The following CAST variants were observed in gnomAD, a reference collection of about 807,000 sequenced individuals.
The protein encoded by CAST is MIR583 host.
A neutral mutation model predicts 119.6 loss-of-function variants in CAST; 76 were observed. The observed-to-expected ratio is 0.64, with a 90% CI of 0.53 to 0.77. CAST has a LOEUF of 0.77. Among genes scored for constraint, CAST ranks in the 30% least tolerant of loss-of-function variants. The pLI is 0.00. For missense variants in CAST, 953 were observed against 946.5 expected (o/e 1.01, Z -0.09); for synonymous variants, 319 against 331.6 (o/e 0.96, Z 0.41).
chr5:96,274,166 A>G, the CAST span, among the ~76,000 whole-genome samples: 1 of 150,482 alleles, frequency 6.6e-6, no homozygotes, highest in Non-Finnish European at 1.5e-5. Flanking sequence ...CAGTGGCGTG[A>G]TCTTGGCTCA....
chr5:96,228,041 A>G, the CAST span, among the ~76,000 whole-genome samples: 8 of 150,826 alleles, frequency 5.3e-5, no homozygotes, highest in Non-Finnish European at 1.0e-4. Context: ...GCACATGTGT[A>G]TGTGTGTGTC....
chr5:96,020,785 A>G, the CAST span, among the ~76,000 whole-genome samples: 3 of 151,916 alleles, frequency 2.0e-5, no homozygotes, highest in Non-Finnish European at 4.4e-5. Context: ...TTGCACAATA[A>G]ATGTAATGTG....
chr5:96,388,139 G>T, the CAST span, among the ~76,000 whole-genome samples: 3 of 152,242 alleles, frequency 2.0e-5, no homozygotes, highest in Non-Finnish European at 4.4e-5. Context: ...GAGAGAACCG[G>T]TATAGAAACC....
the CAST span, among the ~76,000 whole-genome samples, chr5:95,999,686 GTTA>G: frequency 6.6e-6 from 1 of 152,142 alleles, no homozygotes; most frequent in East Asian, 1.9e-4. Flanking sequence ...CCAATTTGGG[GTTA>G]TTATTAATAA....
the CAST span, among the ~76,000 whole-genome samples, chr5:96,253,305 G>A: frequency 6.6e-6 from 1 of 152,100 alleles, no homozygotes; most frequent in Non-Finnish European, 1.5e-5. Context: ...GTCTGGATCA[G>A]TGGTTATCAA....
At chr5:96,076,197 G>A in the CAST span, among the ~76,000 whole-genome samples, 1 of 152,166 alleles carries the variant, frequency 6.6e-6, no homozygotes, top group Non-Finnish European at 1.5e-5. Flanking sequence ...GAATAAAAGT[G>A]TAAAGGAAAA....
At chr5:96,575,649 T>G (rs1746656468) in intron 1 of CAST, among the ~76,000 whole-genome samples, 1 of 128,616 alleles carries the variant, frequency 7.8e-6, no homozygotes, top group Non-Finnish European at 1.6e-5. Context: ...TTGTTTTTTG[T>G]TTTTTTTTTT....
chr5:96,460,350 G>C, the CAST span, among the ~76,000 whole-genome samples: 1 of 151,984 alleles, frequency 6.6e-6, no homozygotes, highest in Non-Finnish European at 1.5e-5. Context: ...ATACAGGGAG[G>C]GGAACATGAC....
At chr5:96,683,780 G>A (rs2150272056) in intron 2 of CAST, among the ~76,000 whole-genome samples, 1 of 152,266 alleles carries the variant, frequency 6.6e-6, no homozygotes, top group Middle Eastern at 3.4e-3. Flanking sequence ...CATGAGCACT[G>A]CATGAATTTA....
chr5:96,395,128 AG>A, the CAST span: 1 of 973,010 alleles, frequency 1.0e-6, no homozygotes, highest in Middle Eastern at 2.6e-4. Context: ...TCTCATTTTA[AG>A]ATTCTGTGCA....
the CAST span, among the ~76,000 whole-genome samples, chr5:96,192,887 C>T: frequency 5.9e-5 from 9 of 152,138 alleles, no homozygotes; most frequent in Admixed American, 3.9e-4. Flanking sequence ...TCAATTAGAG[C>T]GGCACAATGG....
the CAST span, among the ~76,000 whole-genome samples, chr5:96,245,342 T>C: frequency 6.6e-6 from 1 of 152,158 alleles, no homozygotes. Context: ...TAGAAAGTAA[T>C]GGTTGTGTGG....
chr5:96,616,823 A>G (rs1747468003), intron 1 of CAST, among the ~76,000 whole-genome samples: 1 of 151,122 alleles, frequency 6.6e-6, no homozygotes, highest in Non-Finnish European at 1.5e-5. Flanking sequence ...CACCAGAAAT[A>G]AGACACCAAG....
At chr5:95,974,090 C>G in the CAST span, among the ~76,000 whole-genome samples, 9 of 152,084 alleles carry the variant, frequency 5.9e-5, no homozygotes, top group Non-Finnish European at 1.3e-4. Context: ...CAGACATTCC[C>G]TCAAGGGGCT....
the CAST span, among the ~76,000 whole-genome samples, chr5:96,156,391 G>A: frequency 9.2e-5 from 14 of 152,124 alleles, no homozygotes; most frequent in Admixed American, 8.5e-4. Context: ...AGTCTTCAAA[G>A]GAGACCAGTA....
chr5:96,584,225 T>C (rs941770077), intron 1 of CAST, among the ~76,000 whole-genome samples: 1 of 152,208 alleles, frequency 6.6e-6, no homozygotes, highest in Non-Finnish European at 1.5e-5. Context: ...ATCCTTGGCA[T>C]GCACTGTTCC....
rs1357605029 is a variant in CAST at position 96,622,181 on chromosome 5, G to C, written c.61-53358G>C. 7.2e-5 allele frequency among the ~76,000 whole-genome samples: 11 copies of C among 151,938 alleles called. No homozygotes were observed. The East Asian group carries it at 1.2e-3, about 16-fold the overall frequency. On this transcript the variant is annotated intron_variant, in intron 1 of 11. Transcript: ENST00000505143. Reference sequence around the variant, plus strand: ...GACGGGGTTTCACCATGTTGGCCAGGACGGTCTCTATCTCCTGACCTCATG... The same window carrying C: ...GACGGGGTTTCACCATGTTGGCCAGCACGGTCTCTATCTCCTGACCTCATG...
intron 1 of CAST, among the ~76,000 whole-genome samples, chr5:96,601,707 T>A (rs2150194122): frequency 6.6e-6 from 1 of 152,318 alleles, no homozygotes; most frequent in Non-Finnish European, 1.5e-5. Context: ...ATTTCCTTTG[T>A]GCATCTGAAA....
the CAST span, among the ~76,000 whole-genome samples, chr5:96,058,464 A>C: frequency 1.3e-5 from 2 of 152,096 alleles, no homozygotes; most frequent in African/African-American, 4.8e-5. Flanking sequence ...GGTCCTCCTC[A>C]GTCAACTTCA....
Sources: allele counts gnomAD v4.1 joint callset (sites outside exome capture counted in the v4.1 genomes callset), GRCh38; gene constraint gnomAD v4.1.1; transcripts MANE v1.5; gene names NCBI Gene and HGNC (gene_info 2026-07-23, HGNC 2026-07-21).